WWOX: variants seen among roughly 807,000 people sequenced by gnomAD.
WWOX encodes the protein WW domain containing oxidoreductase, also known as WW domain-containing oxidoreductase.
In WWOX, 69 loss-of-function variants were observed where a neutral mutation model predicts 46.2. The ratio of observed to expected loss-of-function variants is 1.49; its 90% CI spans 1.23 to 1.82. The LOEUF (loss-of-function observed/expected upper bound fraction) is 1.82, where lower values mean the gene tolerates loss of function less well. WWOX is among the 40% of genes most tolerant of loss of function. The pLI is 0.00. For missense variants in WWOX, 919 were observed against 542.6 expected, an observed-to-expected ratio of 1.69 and a Z score of -6.89; for synonymous variants, 359 against 202.6, an observed-to-expected ratio of 1.77 and a Z score of -6.56.
chr16:78,147,296 C>T (rs554287836), intron 4 of WWOX, among the ~76,000 whole-genome samples: 6 of 152,198 alleles, frequency 3.9e-5, no homozygotes, highest in South Asian at 2.1e-4. Flanking sequence ...AGTACCACTT[C>T]CTAACCAATC....
chr16:78,893,797 C>T (rs79438330), intron 8 of WWOX, among the ~76,000 whole-genome samples: 2,173 of 152,190 alleles, frequency 0.014, 51 homozygotes, highest in African/African-American at 0.049. Context: ...TCACCTTCAT[C>T]GATCACACTT....
At chr16:78,604,513 G>T (rs1231817089) in intron 8 of WWOX, among the ~76,000 whole-genome samples, 1 of 152,012 alleles carries the variant, frequency 6.6e-6, no homozygotes, top group African/African-American at 2.4e-5. Flanking sequence ...CCATTCTTTT[G>T]TAAAAATTAG....
chr16:78,996,152 T>A, intron 8 of WWOX: 1 of 724,072 alleles, frequency 1.4e-6, no homozygotes, highest in Non-Finnish European at 1.6e-6. Context: ...TTTTTTTTAA[T>A]TTTTTTTTTA....
chr16:78,246,724 T>TC (rs2037825830), intron 5 of WWOX, among the ~76,000 whole-genome samples: 1 of 152,142 alleles, frequency 6.6e-6, no homozygotes, highest in Admixed American at 6.5e-5. Flanking sequence ...TGAAGCCAGT[T>TC]CCCCCCGACC....
intron 8 of WWOX, among the ~76,000 whole-genome samples, chr16:79,136,579 A>T (rs2049985877): frequency 6.6e-6 from 1 of 152,106 alleles, no homozygotes; most frequent in Admixed American, 6.5e-5. Context: ...TGGGAGGAAA[A>T]AGTGAACAGG....
At chr16:78,103,426 C>T (rs1338476146) in intron 1 of WWOX, among the ~76,000 whole-genome samples, 1 of 151,998 alleles carries the variant, frequency 6.6e-6, no homozygotes, top group East Asian at 1.9e-4. Context: ...GCTGAGATGC[C>T]AGGGCTTGGC....
chr16:78,524,409 T>C (rs1357498237), intron 8 of WWOX, among the ~76,000 whole-genome samples: 3 of 8,732 alleles, frequency 3.4e-4, no homozygotes, highest in African/African-American at 5.2e-4. Context: ...TATTTATTTG[T>C]TTATTTATTT....
intron 8 of WWOX, among the ~76,000 whole-genome samples, chr16:78,605,869 A>G (rs1213834199): frequency 1.3e-5 from 2 of 152,114 alleles, no homozygotes; most frequent in South Asian, 2.1e-4. Context: ...CCAGCACCAT[A>G]TTTGGCCCTA....
intron 6 of WWOX, among the ~76,000 whole-genome samples, chr16:78,414,896 A>T (rs1192931915): frequency 6.6e-6 from 1 of 152,142 alleles, no homozygotes; most frequent in African/African-American, 2.4e-5. Context: ...TCTAGACCCC[A>T]AGAGAGAGTT....
At chr16:78,614,000 T>TG (rs2045960487) in intron 8 of WWOX, among the ~76,000 whole-genome samples, 1 of 152,214 alleles carries the variant, frequency 6.6e-6, no homozygotes, top group Admixed American at 6.5e-5. Context: ...TCAGTAGTCA[T>TG]GACAGTAACC....
chr16:79,036,607 G>A (rs2047871714), intron 8 of WWOX, among the ~76,000 whole-genome samples: 1 of 152,180 alleles, frequency 6.6e-6, no homozygotes, highest in South Asian at 2.1e-4. Context: ...GTCCTTCTAT[G>A]AAAGGCTTAC....
intron 8 of WWOX, among the ~76,000 whole-genome samples, chr16:78,499,020 C>G (rs2084988430): frequency 6.6e-6 from 1 of 152,162 alleles, no homozygotes; most frequent in Admixed American, 6.5e-5. Flanking sequence ...CACGAGGTTT[C>G]TTAATAGTTT....
intron 5 of WWOX, among the ~76,000 whole-genome samples, chr16:78,230,809 A>C (rs1376857658): frequency 1.3e-5 from 2 of 152,186 alleles, no homozygotes; most frequent in African/African-American, 4.8e-5. Context: ...GGAGGGGAAC[A>C]CCTATCACAA....
At chr16:78,380,829 A>G (rs555024965) in intron 5 of WWOX, among the ~76,000 whole-genome samples, 4 of 152,194 alleles carry the variant, frequency 2.6e-5, no homozygotes, top group African/African-American at 9.6e-5. Flanking sequence ...AACAAGGGAG[A>G]CCCACAGTTA....
chr16:78,484,191 C>G (rs939326983), intron 8 of WWOX, among the ~76,000 whole-genome samples: 7 of 152,082 alleles, frequency 4.6e-5, no homozygotes, highest in East Asian at 3.9e-4. Context: ...ATTATTACTG[C>G]ATAGGCTGGA....
At chr16:78,451,588 T>C (rs941621071) in intron 8 of WWOX, among the ~76,000 whole-genome samples, 3 of 152,186 alleles carry the variant, frequency 2.0e-5, no homozygotes, top group Non-Finnish European at 4.4e-5. Context: ...GGCTTTGGAT[T>C]TTCTTTTTCA....
At chr16:79,013,800 G>A (rs2047359952) in intron 8 of WWOX, among the ~76,000 whole-genome samples, 1 of 152,126 alleles carries the variant, frequency 6.6e-6, no homozygotes, top group Admixed American at 6.5e-5. Flanking sequence ...TAGCCCAATT[G>A]CCTCCTACAT....
At chr16:78,724,883 G>A (rs894427706) in intron 8 of WWOX, among the ~76,000 whole-genome samples, 4 of 152,152 alleles carry the variant, frequency 2.6e-5, no homozygotes, top group African/African-American at 9.7e-5. Flanking sequence ...GTGTTGCTTT[G>A]TTTTTCCTTG....
intron 8 of WWOX, among the ~76,000 whole-genome samples, chr16:79,187,489 T>C (rs1295007581): frequency 6.6e-6 from 1 of 152,114 alleles, no homozygotes; most frequent in African/African-American, 2.4e-5. Flanking sequence ...CATTCTCCAT[T>C]TCCCAGGTTC....
Sources: gnomAD v4.1 joint callset for allele counts (sites outside exome capture counted in the v4.1 genomes callset) on GRCh38, gnomAD v4.1.1 for gene constraint, MANE v1.5 for transcripts, NCBI Gene and HGNC (gene_info 2026-07-23, HGNC 2026-07-21) for gene names.